The following CCND3 variants were observed in gnomAD, a reference collection of about 807,000 sequenced individuals.
CCND3 encodes cyclin D3, also known as G1/S-specific cyclin-D3.
A neutral mutation model predicts 28.7 loss-of-function variants in CCND3; 9 were observed. That is an observed-to-expected ratio of 0.31 (90% confidence interval 0.19 to 0.55). The LOEUF is 0.55. CCND3 is among the 20% of genes least tolerant of loss of function. The pLI is 0.93. For missense variants in CCND3, 315 were observed against 385.8 expected (o/e 0.82, Z 1.54); for synonymous variants, 164 against 163.9 (o/e 1.00, Z 0.00).
rs978996074 is a variant in CCND3, at chr6:42,012,415, C to T, written c.-46+36086G>A. Among the ~76,000 whole-genome samples, 4 of 151,180 alleles carry T rather than the reference C, an allele frequency of 2.6e-5. No homozygotes were observed. The Admixed American group carries it at 2.6e-4, about 10-fold the overall frequency. ...CCAGCCTGGGCGAAAGAAGCTCTAT[C>T]TCAACAATAAAATAAAAATAAAAAT... is the stretch of plus-strand genomic sequence containing the variant. On this transcript the variant is annotated intron_variant, in intron 1 of 4. Transcript: ENST00000372988.
chr6:41,989,155 C>T (rs1021513895), intron 1 of CCND3, among the ~76,000 whole-genome samples: 3 of 151,882 alleles, frequency 2.0e-5, no homozygotes, highest in Admixed American at 2.0e-4. Flanking sequence ...CTCTTAAAAT[C>T]TCAACAATAA....
At position 42,005,957 on chromosome 6, in the gene CCND3, C is replaced by T. The variant is rs529000266; in HGVS notation, c.-46+42544G>A. Among the ~76,000 whole-genome samples, 13 of 152,066 alleles carry T rather than the reference C, an allele frequency of 8.5e-5. No individual in the cohort carries two copies. In the East Asian group the frequency reaches 1.4e-3, roughly 16 times the overall value. On this transcript the variant is annotated intron_variant, in intron 1 of 4. Transcript: ENST00000372988. ...TCAGCCTCCCAAAGTGTTGGGATTA[C>T]GGGTATGAGCAACCGCGCCCAGCCT...
At chr6:42,018,614 G>C (rs532567438) in intron 1 of CCND3, 2 of 151,894 alleles carry the variant, frequency 1.3e-5, no homozygotes, top group Admixed American at 6.6e-5. Context: ...ATCTCCAGTC[G>C]GGCCTGGTGG....
rs1290767574 is a variant in CCND3, at chr6:42,048,294, G to T, written c.-46+207C>A. 3.2e-6 allele frequency: 1 copy of T among 316,620 alleles called. No individual in the cohort carries two copies. Among genetic ancestry groups the T allele is most frequent in the Non-Finnish European group, 6.2e-6 (1 of 161,106 alleles). 19.6% of individuals were successfully genotyped at this position (316,620 alleles called of 1,614,324 possible). A position where few individuals can be genotyped will look rare whatever the true frequency, so the allele number is the denominator to read the frequency against. On this transcript the variant is annotated intron_variant, in intron 1 of 4. Transcript: ENST00000372988. The surrounding 1 kb of genome is among the most constrained non-coding windows in gnomAD (Gnocchi z 4.7). ...GTGCCGATGTGTGTACATACAGAGG[G>T]CTCAGGGCCTTTGGGGGTTTCTCTG...
chr6:42,009,455 T>C (rs910658338), intron 1 of CCND3, among the ~76,000 whole-genome samples: 2 of 151,968 alleles, frequency 1.3e-5, no homozygotes, highest in East Asian at 3.9e-4. Context: ...CTACTAAAAA[T>C]ACAAAAATTA....
At chr6:41,977,941 G>C (rs2127410748) in intron 1 of CCND3, among the ~76,000 whole-genome samples, 1 of 152,278 alleles carries the variant, frequency 6.6e-6, no homozygotes, top group South Asian at 2.1e-4. Context: ...TGTAGTCCCA[G>C]CTACTTGGGA....
chr6:42,012,476 G>GC (rs11391069), intron 1 of CCND3, among the ~76,000 whole-genome samples: 13,251 of 151,388 alleles, frequency 0.088, 1,221 homozygotes, highest in African/African-American at 0.23. Flanking sequence ...GATGGTATGT[G>GC]CTGTAATCCC....
rs534764852 is a variant in CCND3 at position 42,017,078 on chromosome 6, C to T, written c.-46+31423G>A. Reference sequence around the variant, plus strand: ...CACCCGGCAGAGGAGGGCAGGGGCACGTCCTGGAAGTACAGAGGGACAAGG... The same window carrying T: ...CACCCGGCAGAGGAGGGCAGGGGCATGTCCTGGAAGTACAGAGGGACAAGG... On this transcript the variant is annotated intron_variant, in intron 1 of 4. Coordinates refer to the CCND3 transcript ENST00000372988. Among the ~76,000 whole-genome samples, 3 of 152,350 alleles carry T rather than the reference C, an allele frequency of 2.0e-5. No individual in the cohort carries two copies. In the East Asian group the frequency reaches 5.8e-4, roughly 29 times the overall value.
At chr6:41,969,977 TG>T (rs1411027654) in intron 1 of CCND3, among the ~76,000 whole-genome samples, 1 of 151,978 alleles carries the variant, frequency 6.6e-6, no homozygotes, top group Admixed American at 6.6e-5. Flanking sequence ...GCGGCTTAGC[TG>T]GAACTGCTTA....
chr6:42,017,901 G>T (rs186939183), intron 1 of CCND3, among the ~76,000 whole-genome samples: 1 of 151,930 alleles, frequency 6.6e-6, no homozygotes, highest in Non-Finnish European at 1.5e-5. Context: ...CTGTAATCCC[G>T]GCACTTTGGG....
chr6:42,010,015 G>A (rs1235484221), intron 1 of CCND3, among the ~76,000 whole-genome samples: 1 of 152,146 alleles, frequency 6.6e-6, no homozygotes, highest in African/African-American at 2.4e-5. Context: ...GCTAAGCTTG[G>A]AGAACCTTTG....
In CCND3 at chr6:42,015,679, C is replaced by T. The variant is rs990370186; in HGVS notation, c.-46+32822G>A. On this transcript the variant is annotated intron_variant, in intron 1 of 4. Coordinates refer to the CCND3 transcript ENST00000372988. ...GAGCGGAGATCACGCCACTGCACTCCGGCCTGGGCAACAAAGCAAGACTCC... is the reference window on the plus strand; with the variant it reads ...GAGCGGAGATCACGCCACTGCACTCTGGCCTGGGCAACAAAGCAAGACTCC... Among the ~76,000 whole-genome samples the T allele has an allele frequency of 3.3e-5, 5 of 151,184 alleles. No homozygotes were observed. In the East Asian group the frequency reaches 5.9e-4, roughly 18 times the overall value.
intron 1 of CCND3, among the ~76,000 whole-genome samples, chr6:42,032,504 A>G (rs1764073469): frequency 6.6e-6 from 1 of 152,238 alleles, no homozygotes; most frequent in Non-Finnish European, 1.5e-5. Flanking sequence ...CCTATGGCCA[A>G]TTGGTTTCTG....
intron 1 of CCND3, among the ~76,000 whole-genome samples, chr6:42,008,202 G>T (rs1213149568): frequency 6.6e-6 from 1 of 152,022 alleles, no homozygotes; most frequent in Non-Finnish European, 1.5e-5. Context: ...CCAACATGGC[G>T]AAACCCCATC....
chr6:41,962,793 C>T (rs1761756288), intron 1 of CCND3, among the ~76,000 whole-genome samples: 2 of 152,236 alleles, frequency 1.3e-5, no homozygotes. Context: ...CTCTGTTGCC[C>T]AGGCTGGAGC....
chr6:42,008,378 CAAAA>C (rs1295670287), intron 1 of CCND3, among the ~76,000 whole-genome samples: 1 of 151,362 alleles, frequency 6.6e-6, no homozygotes, highest in Non-Finnish European at 1.5e-5. Flanking sequence ...AACTCTGTCT[CAAAA>C]AAAAGAAAAA....
rs139695570 is a variant in CCND3 at position 42,006,053 on chromosome 6, G to A, written c.-46+42448C>T. On this transcript the variant is annotated intron_variant, in intron 1 of 4. Coordinates refer to the CCND3 transcript ENST00000372988. Reference sequence around the variant, plus strand: ...GTGGTGTTGTGTGCCTGTGGTCCCAGCTACTTGGGAGGCTGAGGGGGTAGG... The same window carrying A: ...GTGGTGTTGTGTGCCTGTGGTCCCAACTACTTGGGAGGCTGAGGGGGTAGG... 5.7e-3 allele frequency among the ~76,000 whole-genome samples: 862 copies of A among 151,836 alleles called. 12 individuals are homozygous for A. Among genetic ancestry groups the A allele is most frequent in the African/African-American group, 0.02 (817 of 41,416 alleles).
chr6:42,022,621 G>A (rs1335000080), intron 1 of CCND3, among the ~76,000 whole-genome samples: 1 of 152,228 alleles, frequency 6.6e-6, no homozygotes, highest in African/African-American at 2.4e-5. Context: ...CCAACCGCCA[G>A]GGGGTCTTCC....
At position 42,048,524 on chromosome 6, in the gene CCND3, G is replaced by A; in HGVS notation, c.-69C>T. Reference sequence around the variant, plus strand: ...ACCTCCTCGTCAGGTGACCTCCCCGGAGCACCGACTGGGGTCGCAGGCGCT... The same window carrying A: ...ACCTCCTCGTCAGGTGACCTCCCCGAAGCACCGACTGGGGTCGCAGGCGCT... On this transcript the variant is annotated 5_prime_UTR_variant, in exon 1 of 5. Coordinates refer to the CCND3 transcript ENST00000372988. This position sits in a 1 kb window ranked among gnomAD's most constrained non-coding sequence, Gnocchi z 4.7. 1.9e-6 allele frequency: 1 copy of A among 514,890 alleles called. No individual in the cohort carries two copies. The highest frequency in any genetic ancestry group is 3.9e-6 in the Non-Finnish European group (1 of 258,274). The allele number at this position is 514,890 out of a possible 1,614,324, so 31.9% of individuals were successfully genotyped here. A position where few individuals can be genotyped will look rare whatever the true frequency, so the allele number is the denominator to read the frequency against.
Sources: allele counts gnomAD v4.1 joint callset (sites outside exome capture counted in the v4.1 genomes callset), GRCh38; gene constraint gnomAD v4.1.1; non-coding constraint Gnocchi (gnomAD v3.1); transcripts MANE v1.5; gene names NCBI Gene and HGNC (gene_info 2026-07-23, HGNC 2026-07-21).